DOCK8: variants seen among roughly 807,000 people sequenced by gnomAD.
The protein encoded by DOCK8 is dedicator of cytokinesis 8.
DOCK8 carries 141 observed loss-of-function variants against 245.6 expected under a neutral mutation model. The observed-to-expected ratio is 0.57, with a 90% CI of 0.50 to 0.66. DOCK8 has a LOEUF of 0.66. Among genes scored for constraint, DOCK8 ranks in the 30% least tolerant of loss-of-function variants. The pLI, the probability that DOCK8 is intolerant of heterozygous loss-of-function variation, is 0.00. For missense variants in DOCK8, 2,965 were observed against 2,603.4 expected (o/e 1.14, Z -3.02); for synonymous variants, 1,168 against 970.2 (o/e 1.20, Z -3.79).
intron 4 of DOCK8, among the ~76,000 whole-genome samples, chr9:298,294 G>T (rs1391090577): frequency 6.6e-6 from 1 of 152,076 alleles, no homozygotes; most frequent in Non-Finnish European, 1.5e-5. Context: ...GTACGGTGGC[G>T]CATGCCTGTG....
chr9:400,033 A>ACCT (rs2054705515), intron 26 of DOCK8, among the ~76,000 whole-genome samples: 1 of 73,390 alleles, frequency 1.4e-5, no homozygotes, highest in Non-Finnish European at 2.7e-5. Context: ...CTCCACCATC[A>ACCT]CCACCACCAC....
chr9:223,315 G>A (rs1377480002), intron 1 of DOCK8, among the ~76,000 whole-genome samples: 3 of 152,294 alleles, frequency 2.0e-5, no homozygotes, highest in East Asian at 1.9e-4. Flanking sequence ...TCATTCATTT[G>A]TTCACTCATG....
At position 214,871 on chromosome 9, in the gene DOCK8, C is replaced by T; in HGVS notation, c.-106C>T. On this transcript the variant is annotated 5_prime_UTR_variant, in exon 1 of 48. The change creates a new upstream start codon in the 5' untranslated region. Transcript: ENST00000432829. ...GAAGTTTCCAGCGCCGACCGACAGA[C>T]GAGGTTTGCGCTTGGCTGGGCATGT... 3.7e-6 allele frequency: 6 copies of T among 1,601,688 alleles called. No individual in the cohort carries two copies. The highest frequency in any genetic ancestry group is 2.3e-5 in the East Asian group (1 of 43,894).
intron 1 of DOCK8, among the ~76,000 whole-genome samples, chr9:239,479 G>A (rs992518592): frequency 6.6e-6 from 1 of 152,190 alleles, no homozygotes; most frequent in African/African-American, 2.4e-5. Flanking sequence ...TTGTATGAGA[G>A]ATGGGAAAGA....
Position 441,333 on chromosome 9 carries a change from C to T in DOCK8, c.5271C>T (p.Pro1757=), listed in dbSNP as rs766270079. 6 of 1,614,086 alleles carry T rather than the reference C, an allele frequency of 3.7e-6. No homozygotes were observed. In the African/African-American group the frequency reaches 8.0e-5, roughly 22 times the overall value. ...ATGAGGTCTACAAGCTGGTCATCCC[C>T]ATCCTAGAAGCGCATCGAGAATTCC... ...TVNEVYKLVI[P]ILEAHREFRK... is the part of the protein sequence containing the mutation. The change falls in exon 41 of 48, where the codon CCC becomes CCT. Residue 1757 remains proline (P), a synonymous_variant. Coordinates refer to ENST00000432829, the MANE Select transcript of DOCK8 (RefSeq NM_203447.4).
chr9:424,148 G>A (rs2056391427), intron 33 of DOCK8, among the ~76,000 whole-genome samples: 1 of 151,392 alleles, frequency 6.6e-6, no homozygotes, highest in Admixed American at 6.6e-5. Context: ...TATAATAATG[G>A]TGTCTTTCAC....
chr9:464,599 G>A lies in DOCK8; in HGVS notation c.*380G>A. On this transcript the variant is annotated 3_prime_UTR_variant, in exon 48 of 48. Transcript: ENST00000432829. ...TATTGGAGTAACTCAAATTGCCTGAGGAAAAATGGAAAAATTATCCACCAG... is the reference window on the plus strand; with the variant it reads ...TATTGGAGTAACTCAAATTGCCTGAAGAAAAATGGAAAAATTATCCACCAG... The A allele has an allele frequency of 1.2e-5, 3 of 258,540 alleles. No homozygotes were observed. Among genetic ancestry groups the A allele is most frequent in the Non-Finnish European group, 2.3e-5 (3 of 131,740 alleles). 16.0% of individuals were successfully genotyped at this position (258,540 alleles called of 1,614,324 possible). A position where few individuals can be genotyped will look rare whatever the true frequency, so the allele number is the denominator to read the frequency against.
At chr9:338,160 GAA>G (rs58900019) in intron 12 of DOCK8, among the ~76,000 whole-genome samples, 2 of 141,210 alleles carry the variant, frequency 1.4e-5, no homozygotes, top group African/African-American at 2.5e-5. Context: ...TCTCAGAAAA[GAA>G]AAAAAAAAAG....
chr9:392,180 G>C (rs1010418186), intron 24 of DOCK8, among the ~76,000 whole-genome samples: 1 of 151,762 alleles, frequency 6.6e-6, no homozygotes, highest in African/African-American at 2.4e-5. Flanking sequence ...AGATGGGAGG[G>C]GTTCCACCTA....
At position 332,378 on chromosome 9, in the gene DOCK8, A is replaced by T. The variant is rs766835038; in HGVS notation, c.1045-20A>T. ...GGATGTAATTTATGTGCCTTATTTT[A>T]ATATTCTTTTTATTGGTAGATTGAA... is the stretch of plus-strand genomic sequence containing the variant. On this transcript the variant is annotated intron_variant, in intron 9 of 47. Transcript: ENST00000432829. 17 of 1,557,718 alleles carry T rather than the reference A, an allele frequency of 1.1e-5. No homozygotes were observed. Among genetic ancestry groups the T allele is most frequent in the Non-Finnish European group, 1.5e-5 (17 of 1,129,234 alleles).
At chr9:235,827 A>C (rs2047232242) in intron 1 of DOCK8, among the ~76,000 whole-genome samples, 1 of 152,082 alleles carries the variant, frequency 6.6e-6, no homozygotes, top group Admixed American at 6.5e-5. Flanking sequence ...TAGGAAAGGG[A>C]ATTCCCTGAC....
At chr9:414,684 C>T (rs1188813735) in intron 28 of DOCK8, 98 bp from the exon 29 acceptor site, 3 of 1,451,752 alleles carry the variant, frequency 2.1e-6, no homozygotes, top group African/African-American at 1.4e-5. Flanking sequence ...ACAGTCACCT[C>T]ATTGCTTAGG....
intron 14 of DOCK8, among the ~76,000 whole-genome samples, chr9:345,074 G>C (rs1377715180): frequency 6.6e-6 from 1 of 152,100 alleles, no homozygotes; most frequent in African/African-American, 2.4e-5. Flanking sequence ...GTATTATCTT[G>C]GCAGGGACAG....
chr9:325,300 G>A (rs896040807), intron 7 of DOCK8, among the ~76,000 whole-genome samples: 19 of 152,036 alleles, frequency 1.2e-4, no homozygotes, highest in Non-Finnish European at 1.5e-5. Context: ...TGTGAAATGT[G>A]AACAAGTCCA....
intron 45 of DOCK8, among the ~76,000 whole-genome samples, chr9:450,911 G>C (rs140006614): frequency 3.3e-5 from 5 of 151,316 alleles, no homozygotes; most frequent in African/African-American, 1.2e-4. Context: ...AATAGATCAA[G>C]GCAATCCTGA....
At chr9:233,935 C>T (rs2047184235) in intron 1 of DOCK8, among the ~76,000 whole-genome samples, 1 of 152,120 alleles carries the variant, frequency 6.6e-6, no homozygotes. Flanking sequence ...TTGATCCTGT[C>T]ATTATGATGT....
At chr9:271,532 C>G (rs1425723183) in intron 1 of DOCK8, 95 bp from the exon 2 acceptor site, 1 of 1,004,032 alleles carries the variant, frequency 1.0e-6, no homozygotes, top group East Asian at 2.6e-5. Flanking sequence ...CAGCCAAGGC[C>G]TACGTTTTAT....
At position 307,361 on chromosome 9, in the gene DOCK8, T is replaced by G. The variant is rs1339901815; in HGVS notation, c.528+2657T>G. On this transcript the variant is annotated intron_variant, in intron 5 of 47. Coordinates refer to ENST00000432829, the MANE Select transcript of DOCK8 (RefSeq NM_203447.4). ...TTGTTTTTTTTTTTTTTTTTTTTTTTTTTTTTTTTTTTTTTGAGATGGAGT... is the reference window on the plus strand; with the variant it reads ...TTGTTTTTTTTTTTTTTTTTTTTTTGTTTTTTTTTTTTTTTGAGATGGAGT... Among the ~76,000 whole-genome samples, 72 of 56,532 alleles carry G rather than the reference T, an allele frequency of 1.3e-3. 1 individual carries two copies. Among genetic ancestry groups the G allele is most frequent in the African/African-American group, 3.4e-3 (64 of 18,796 alleles). The allele number at this position is 56,532 out of a possible 152,430, so 37.1% of individuals were successfully genotyped here.
At chr9:386,493 A>C in intron 23 of DOCK8, 67 bp downstream of exon 23, 1 of 1,413,084 alleles carries the variant, frequency 7.1e-7, no homozygotes, top group Non-Finnish European at 9.9e-7. Flanking sequence ...ATGCCCTCAC[A>C]CTGTGCTTGG....
Sources: gnomAD v4.1 joint callset for allele counts (sites outside exome capture counted in the v4.1 genomes callset) on GRCh38, gnomAD v4.1.1 for gene constraint, MANE v1.5 for transcripts, NCBI Gene and HGNC (gene_info 2026-07-23, HGNC 2026-07-21) for gene names.